Variants in DPP6 observed in about 807,000 individuals in gnomAD.
DPP6 encodes A-type potassium channel modulatory protein DPP6.
A neutral mutation model predicts 122.6 loss-of-function variants in DPP6; 69 were observed. The observed-to-expected ratio is 0.56, with a 90% CI of 0.46 to 0.69. The LOEUF is 0.69. Among genes scored for constraint, DPP6 ranks in the 30% least tolerant of loss-of-function variants. DPP6 has a pLI of 0.00. For synonymous variants in DPP6, 418 were observed against 433.1 expected, an observed-to-expected ratio of 0.97 and a Z score of 0.43; for missense variants, 928 against 1,116.9, an observed-to-expected ratio of 0.83 and a Z score of 2.41.
chr7:154,723,959 G>T (rs1367744808), intron 7 of DPP6, among the ~76,000 whole-genome samples: 1 of 152,196 alleles, frequency 6.6e-6, no homozygotes, highest in South Asian at 2.1e-4. Context: ...GGGCAGAATT[G>T]ATCCATGCAC....
At chr7:154,082,226 A>G (rs1001102323) in intron 1 of DPP6, among the ~76,000 whole-genome samples, 4 of 152,086 alleles carry the variant, frequency 2.6e-5, no homozygotes, top group Non-Finnish European at 5.9e-5. Context: ...TTTAATATAT[A>G]CTTTCACCTG....
Position 154,061,920 on chromosome 7 carries a change from A to G in DPP6, c.243+8857A>G, listed in dbSNP as rs796403932. On this transcript the variant is annotated intron_variant, in intron 1 of 25. Coordinates refer to ENST00000377770, the MANE Select transcript of DPP6 (RefSeq NM_130797.4). ...AATCCCTCTTCCCCCCCTGGCTCTG[A>G]GGACCCCCATCGCAGGAGGGGGAGG... 1.7e-3 allele frequency among the ~76,000 whole-genome samples: 180 copies of G among 107,370 alleles called. 13 individuals carry two copies. Among genetic ancestry groups the G allele is most frequent in the Middle Eastern group, 7.7e-3 (1 of 130 alleles). The allele number at this position is 107,370 out of a possible 152,430, so 70.4% of individuals were successfully genotyped here.
intron 1 of DPP6, among the ~76,000 whole-genome samples, chr7:153,930,088 C>G (rs1465144181): frequency 6.6e-6 from 1 of 152,134 alleles, no homozygotes; most frequent in African/African-American, 2.4e-5. Context: ...TTATTAGTCA[C>G]GTGCAAATGA....
chr7:154,809,830 T>C (rs1798935824), intron 16 of DPP6, among the ~76,000 whole-genome samples: 1 of 152,190 alleles, frequency 6.6e-6, no homozygotes, highest in African/African-American at 2.4e-5. Context: ...CTGCTCCACA[T>C]GGTGACCCTC....
intron 1 of DPP6, among the ~76,000 whole-genome samples, chr7:154,366,896 G>A (rs1233526436): frequency 6.6e-6 from 1 of 152,150 alleles, no homozygotes; most frequent in Non-Finnish European, 1.5e-5. Flanking sequence ...AGTAATAGAG[G>A]CATGCAATAT....
chr7:154,097,328 G>A (rs954107742), intron 1 of DPP6, among the ~76,000 whole-genome samples: 2 of 152,234 alleles, frequency 1.3e-5, no homozygotes, highest in African/African-American at 4.8e-5. Flanking sequence ...AGCAGGAGCA[G>A]CAGCAATGAT....
At chr7:154,210,144 A>G (rs1799663287) in intron 1 of DPP6, among the ~76,000 whole-genome samples, 2 of 152,168 alleles carry the variant, frequency 1.3e-5, no homozygotes, top group Admixed American at 1.3e-4. Flanking sequence ...CTTGAAAAGG[A>G]TCAATACCAT....
intron 4 of DPP6, among the ~76,000 whole-genome samples, chr7:154,562,294 A>G (rs1830473308): frequency 6.6e-6 from 1 of 152,172 alleles, no homozygotes; most frequent in African/African-American, 2.4e-5. Context: ...TAACATTAGA[A>G]ATCAAACAAT....
At chr7:154,210,341 C>G (rs117183193) in intron 1 of DPP6, among the ~76,000 whole-genome samples, 2 of 152,128 alleles carry the variant, frequency 1.3e-5, no homozygotes, top group South Asian at 4.1e-4. Context: ...CCACGGTGCC[C>G]AAAATTCTCT....
chr7:154,429,268 C>T (rs919879679), intron 1 of DPP6, among the ~76,000 whole-genome samples: 1 of 151,928 alleles, frequency 6.6e-6, no homozygotes, highest in Non-Finnish European at 1.5e-5. Flanking sequence ...CAGTGGAATC[C>T]ACGTGCGAGC....
At chr7:154,590,278 T>C (rs183333676) in intron 5 of DPP6, among the ~76,000 whole-genome samples, 2 of 152,208 alleles carry the variant, frequency 1.3e-5, no homozygotes, top group Admixed American at 1.3e-4. Flanking sequence ...GTAGAGATGA[T>C]GCAAAACCAA....
At chr7:154,188,984 T>G (rs947794673) in intron 1 of DPP6, among the ~76,000 whole-genome samples, 1 of 152,170 alleles carries the variant, frequency 6.6e-6, no homozygotes, top group Non-Finnish European at 1.5e-5. Flanking sequence ...ATCCAAGACT[T>G]CTTCCGACCA....
intron 1 of DPP6, among the ~76,000 whole-genome samples, chr7:154,120,040 T>A (rs1807320586): frequency 6.6e-6 from 1 of 152,214 alleles, no homozygotes; most frequent in Non-Finnish European, 1.5e-5. Flanking sequence ...ACATCATTCC[T>A]GTAAAAGGTT....
intron 1 of DPP6, among the ~76,000 whole-genome samples, chr7:154,406,879 C>CATGACCACA (rs1328435712): frequency 7.9e-5 from 12 of 152,164 alleles, no homozygotes; most frequent in Non-Finnish European, 1.6e-4. Context: ...TTCTTTGGAT[C>CATGACCACA]ATGACCACAC....
chr7:154,587,360 T>C, intron 5 of DPP6: 1 of 466,706 alleles, frequency 2.1e-6, no homozygotes, highest in Non-Finnish European at 3.8e-6. Flanking sequence ...CCATTCCCAC[T>C]GCCTTTGCCT....
At chr7:154,767,228 C>T (rs60732348) in intron 8 of DPP6, among the ~76,000 whole-genome samples, 20,442 of 152,184 alleles carry the variant, frequency 0.13, 1,434 homozygotes, top group East Asian at 0.23. Flanking sequence ...GTGGGCTCTG[C>T]ACCTTCTCGC....
chr7:153,948,340 CG>C (rs1278146681), intron 1 of DPP6, among the ~76,000 whole-genome samples: 7 of 152,024 alleles, frequency 4.6e-5, no homozygotes, highest in African/African-American at 1.7e-4. Context: ...TTGTTATGTA[CG>C]GGTGAGAGAG....
At chr7:154,232,956 C>T (rs1164951622) in intron 1 of DPP6, among the ~76,000 whole-genome samples, 1 of 152,228 alleles carries the variant, frequency 6.6e-6, no homozygotes, top group Non-Finnish European at 1.5e-5. Context: ...TCAAGCTCAT[C>T]TCACTATTTA....
intron 1 of DPP6, among the ~76,000 whole-genome samples, chr7:154,228,175 T>G (rs1346251645): frequency 6.6e-6 from 1 of 152,226 alleles, no homozygotes; most frequent in African/African-American, 2.4e-5. Flanking sequence ...TACTTCAAAG[T>G]GAATCTGACA....
Sources: gnomAD v4.1 joint callset for allele counts (sites outside exome capture counted in the v4.1 genomes callset) on GRCh38, gnomAD v4.1.1 for gene constraint, MANE v1.5 for transcripts, NCBI Gene and HGNC (gene_info 2026-07-23, HGNC 2026-07-21) for gene names.